LRRIQ1: variants seen among roughly 807,000 people sequenced by gnomAD.
LRRIQ1 encodes leucine-rich repeat- and IQ domain-containing protein 1.
A neutral mutation model predicts 211.9 loss-of-function variants in LRRIQ1; 210 were observed. That is an observed-to-expected ratio of 0.99 (90% CI 0.89 to 1.11). The LOEUF is 1.11. Among genes scored for constraint, LRRIQ1 ranks in the 50% most tolerant of loss-of-function variants. LRRIQ1 has a pLI of 0.00. For synonymous variants in LRRIQ1, 699 were observed against 650.1 expected, an observed-to-expected ratio of 1.08 and a Z score of -1.14; for missense variants, 2,136 against 1,939.5, an observed-to-expected ratio of 1.10 and a Z score of -1.90.
chr12:85,238,519 A>T lies in LRRIQ1; in HGVS notation c.5016+5763A>T, dbSNP rs188236367. Among the ~76,000 whole-genome samples the T allele has an allele frequency of 1.7e-3, 259 of 152,254 alleles. 1 individual carries two copies. The highest frequency in any genetic ancestry group is 4.6e-3 in the African/African-American group (190 of 41,572). On this transcript the variant is annotated intron_variant, in intron 26 of 26. Transcript: ENST00000393217. ...GATATACAGGGGACCATTTGTAAGG[A>T]TTATGGTTCACTATCGATCACAAAT...
intron 1 of LRRIQ1, among the ~76,000 whole-genome samples, chr12:85,258,039 A>T (rs1896172989): frequency 6.6e-6 from 1 of 151,908 alleles, no homozygotes. Flanking sequence ...AAACAGGCAA[A>T]ATACATGAGT....
chr12:85,237,581 G>A (rs1222832296), intron 26 of LRRIQ1, among the ~76,000 whole-genome samples: 1 of 152,080 alleles, frequency 6.6e-6, no homozygotes, highest in Admixed American at 6.6e-5. Flanking sequence ...AGACTCTAGA[G>A]ACCAATCAAA....
intron 24 of LRRIQ1, among the ~76,000 whole-genome samples, chr12:85,163,087 A>G (rs1003724251): frequency 1.3e-5 from 2 of 152,292 alleles, no homozygotes; most frequent in Non-Finnish European, 2.9e-5. Context: ...AGAATCACAG[A>G]TATTTCCTGA....
chr12:85,056,206 C>A lies in LRRIQ1; in HGVS notation c.1413C>A (p.Ser471Arg), dbSNP rs1881038587. ...IQVKLKESISSQTILADFKME... is the reference protein window; with the variant it reads ...IQVKLKESISRQTILADFKME... ...TAAAGTTAAAAGAATCTATATCAAG[C>A]CAAACAATTCTGGCAGATTTTAAAA... The change falls in exon 8 of 27, where the codon AGC becomes AGA. Residue 471 changes from serine (S) to arginine (R), a missense_variant. By Grantham distance (110) the Ser-to-Arg change is moderately radical (BLOSUM62 -1). Transcript: ENST00000393217. The A allele has an allele frequency of 6.4e-7, 1 of 1,570,300 alleles. No individual in the cohort carries two copies. Among genetic ancestry groups the A allele is most frequent in the East Asian group, 2.3e-5 (1 of 44,108 alleles).
chr12:85,112,926 CTCTTG>C (rs935896708), intron 15 of LRRIQ1, among the ~76,000 whole-genome samples: 2 of 152,064 alleles, frequency 1.3e-5, no homozygotes, highest in African/African-American at 4.8e-5. Flanking sequence ...TATGGCTTCC[CTCTTG>C]TCTTTTTGCT....
At chr12:85,042,251 C>T (rs1270348802) in intron 3 of LRRIQ1, among the ~76,000 whole-genome samples, 1 of 151,336 alleles carries the variant, frequency 6.6e-6, no homozygotes, top group Non-Finnish European at 1.5e-5. Context: ...CTAATCTAAT[C>T]TAATCTGATT....
At position 85,056,258 on chromosome 12, in the gene LRRIQ1, A is replaced by G; in HGVS notation, c.1465A>G (p.Lys489Glu). Residue 489 changes from lysine to glutamate, a missense_variant, in exon 8 of 27, where the codon AAA (lysine) becomes GAA (glutamate). Transcript: ENST00000393217. ...KMEEKNENLAKKRCSEELVKQ... is the reference protein window; with the variant it reads ...KMEEKNENLAEKRCSEELVKQ... ...GGAAGAAAAAAATGAAAACCTAGCA[A>G]AAAAACGATGTTCAGAAGAATTGGT... The G allele has an allele frequency of 6.4e-7, 1 of 1,574,116 alleles. No homozygotes were observed. The highest frequency in any genetic ancestry group is 8.5e-7 in the Non-Finnish European group (1 of 1,169,702).
chr12:85,055,850 A>C lies in LRRIQ1; in HGVS notation c.1057A>C (p.Lys353Gln). The C allele has an allele frequency of 6.3e-7, 1 of 1,588,966 alleles. No individual in the cohort carries two copies. Among genetic ancestry groups the C allele is most frequent in the South Asian group, 1.2e-5 (1 of 85,920 alleles). ...GATAAAAGAAGAGAGAAAAAAGCAAAAGGAAGAGGAAAGGAAAAGGAGAGA... is the reference window on the plus strand; with the variant it reads ...GATAAAAGAAGAGAGAAAAAAGCAACAGGAAGAGGAAAGGAAAAGGAGAGA... ...QRIKEERKKQ[K>Q]EEERKRREKE... is the part of the protein sequence containing the mutation. The change falls in exon 8 of 27, where the codon AAG (lysine) becomes CAG (glutamine). Residue 353 changes from lysine to glutamine, a missense_variant. By Grantham distance (53) the Lys-to-Gln change is moderately conservative (BLOSUM62 1). Coordinates refer to ENST00000393217, the MANE Select transcript of LRRIQ1 (RefSeq NM_001079910.2).
At chr12:85,196,077 T>C (rs1259887391) in intron 24 of LRRIQ1, among the ~76,000 whole-genome samples, 1 of 152,042 alleles carries the variant, frequency 6.6e-6, no homozygotes, top group Admixed American at 6.6e-5. Flanking sequence ...CCATTCACAA[T>C]TGCTTCAAGG....
chr12:85,092,484 C>T (rs771920711), intron 11 of LRRIQ1, among the ~76,000 whole-genome samples: 7 of 152,094 alleles, frequency 4.6e-5, no homozygotes, highest in Non-Finnish European at 1.0e-4. Context: ...TATTTGAAAA[C>T]CGTGAAAGAC....
At chr12:85,052,951 G>A (rs1181706652) in intron 7 of LRRIQ1, among the ~76,000 whole-genome samples, 1 of 151,934 alleles carries the variant, frequency 6.6e-6, no homozygotes, top group Non-Finnish European at 1.5e-5. Flanking sequence ...TCATCCAGTA[G>A]CAAAATACTT....
intron 3 of LRRIQ1, among the ~76,000 whole-genome samples, chr12:85,042,406 T>C (rs1878996402): frequency 6.7e-6 from 1 of 148,656 alleles, no homozygotes. Context: ...AAATTTATCT[T>C]AGTAAAATTA....
chr12:85,199,995 A>G (rs1219959061), intron 24 of LRRIQ1, among the ~76,000 whole-genome samples: 1 of 152,114 alleles, frequency 6.6e-6, no homozygotes, highest in Non-Finnish European at 1.5e-5. Flanking sequence ...GTATTTCCTA[A>G]TTCCATGGAG....
At chr12:85,104,368 C>G (rs992915031) in intron 14 of LRRIQ1, among the ~76,000 whole-genome samples, 1 of 151,712 alleles carries the variant, frequency 6.6e-6, no homozygotes, top group Non-Finnish European at 1.5e-5. Flanking sequence ...AAACAGTATA[C>G]CTTTCTAACA....
At chr12:85,255,813 A>G (rs1442966739) in intron 1 of LRRIQ1, among the ~76,000 whole-genome samples, 1 of 151,658 alleles carries the variant, frequency 6.6e-6, no homozygotes, top group Non-Finnish European at 1.5e-5. Flanking sequence ...CCGGACAATT[A>G]ATTACAGAAA....
chr12:85,075,770 G>A (rs963477663), intron 11 of LRRIQ1, among the ~76,000 whole-genome samples: 1 of 151,908 alleles, frequency 6.6e-6, no homozygotes. Context: ...GGGAGGCTGA[G>A]TTGAGAGGAA....
chr12:85,135,838 G>C lies in LRRIQ1; in HGVS notation c.4210-2012G>C, dbSNP rs545262091. On this transcript the variant is annotated intron_variant, in intron 18 of 26. Coordinates refer to ENST00000393217, the MANE Select transcript of LRRIQ1 (RefSeq NM_001079910.2). The stretch of plus-strand genomic sequence containing the variant: ...ACATTTTGCCCCAGGCCTAGAATCA[G>C]TCATTTGTCTAAAGATCCTTGGTTT... Among the ~76,000 whole-genome samples the C allele has an allele frequency of 2.6e-5, 4 of 151,962 alleles. No individual in the cohort carries two copies. The East Asian group carries it at 7.8e-4, about 30-fold the overall frequency.
chr12:85,166,872 T>C (rs1447268254), intron 24 of LRRIQ1, among the ~76,000 whole-genome samples: 1 of 152,216 alleles, frequency 6.6e-6, no homozygotes, highest in Non-Finnish European at 1.5e-5. Flanking sequence ...ACACTATATT[T>C]TGAATTACTG....
chr12:85,271,591 G>A, the LRRIQ1 span, among the ~76,000 whole-genome samples: 72,943 of 151,712 alleles, frequency 0.48, 21,542 homozygotes, highest in African/African-American at 0.84. Context: ...AGATTTCTTC[G>A]TATTTCAGTG....
Sources: gnomAD v4.1 joint callset for allele counts (sites outside exome capture counted in the v4.1 genomes callset) on GRCh38, gnomAD v4.1.1 for gene constraint, MANE v1.5 for transcripts, NCBI Gene and HGNC (gene_info 2026-07-23, HGNC 2026-07-21) for gene names.